The following COG7 variants were observed in gnomAD, a reference collection of about 807,000 sequenced individuals.
COG7 encodes the protein component of oligomeric golgi complex 7, also known as conserved oligomeric Golgi complex subunit 7.
Under a neutral mutation model 91.5 loss-of-function variants are expected in COG7, and 49 were observed. The ratio of observed to expected loss-of-function variants is 0.54; its 90% confidence interval spans 0.43 to 0.68. The LOEUF (loss-of-function observed/expected upper bound fraction) is 0.68. Among genes scored for constraint, COG7 ranks in the 30% least tolerant of loss-of-function variants. The pLI is 0.00. For synonymous variants in COG7, 365 were observed against 388.7 expected (o/e 0.94, Z 0.72); for missense variants, 895 against 961.3 (o/e 0.93, Z 0.91).
intron 6 of COG7, among the ~76,000 whole-genome samples, chr16:23,433,263 GC>G (rs1963961534): frequency 6.6e-6 from 1 of 152,002 alleles, no homozygotes; most frequent in Non-Finnish European, 1.5e-5. Context: ...GCTAACTTTT[GC>G]ATTTTTTGTA....
At chr16:23,448,289 T>C (rs1964213822) in intron 1 of COG7, among the ~76,000 whole-genome samples, 1 of 152,188 alleles carries the variant, frequency 6.6e-6, no homozygotes, top group South Asian at 2.1e-4. Flanking sequence ...TTCAGTTACA[T>C]TTCCCCTACA....
chr16:23,445,198 G>A (rs745518191), intron 2 of COG7, 34 bp from the exon 3 acceptor site: 10 of 1,469,594 alleles, frequency 6.8e-6, no homozygotes, highest in Non-Finnish European at 9.5e-6. Flanking sequence ...AAATGAAGGG[G>A]TAGGTCCTTT....
At position 23,434,658 on chromosome 16, in the gene COG7, G is replaced by A. The variant is rs1963986784; in HGVS notation, c.665C>T (p.Ala222Val). 1 of 1,613,588 alleles carries A rather than the reference G, an allele frequency of 6.2e-7. No individual in the cohort carries two copies. The change falls in exon 5 of 17, where the codon GCC becomes GTC. Residue 222 changes from alanine to valine, a missense_variant. Coordinates refer to ENST00000307149, the MANE Select transcript of COG7 (RefSeq NM_153603.4). The stretch of plus-strand genomic sequence containing the variant: ...TACCTTGTGACACTTGTAGTAGTAG[G>A]CCAGGAGCTGGGGCATCCGGTCAAT... ...TEIDRMPQLL[A>V]YYYKCHKVQL...
chr16:23,444,511 C>CTTTT (rs11437438), intron 3 of COG7, among the ~76,000 whole-genome samples: 4 of 132,664 alleles, frequency 3.0e-5, no homozygotes, highest in African/African-American at 8.4e-5. Context: ...TTTTCTTCTT[C>CTTTT]TTTTTTTTTT....
At chr16:23,420,305 A>T (rs777772416) in intron 7 of COG7, among the ~76,000 whole-genome samples, 3 of 152,242 alleles carry the variant, frequency 2.0e-5, no homozygotes, top group Non-Finnish European at 4.4e-5. Context: ...CAGAGACAGA[A>T]GGATGTTCAT....
At chr16:23,442,179 CA>C (rs746715047) in intron 4 of COG7, among the ~76,000 whole-genome samples, 30 of 151,970 alleles carry the variant, frequency 2.0e-4, no homozygotes, top group Admixed American at 4.6e-4. Flanking sequence ...ATTCAAAATA[CA>C]AAAATTACCT....
At chr16:23,451,997 T>G (rs1964273308) in intron 1 of COG7, among the ~76,000 whole-genome samples, 1 of 152,144 alleles carries the variant, frequency 6.6e-6, no homozygotes, top group African/African-American at 2.4e-5. Context: ...GCTCCTAGAT[T>G]ACAAAAAGTC....
At chr16:23,413,393 G>T in intron 10 of COG7, 55 bp downstream of exon 10, 1 of 909,638 alleles carries the variant, frequency 1.1e-6, no homozygotes, top group Non-Finnish European at 1.9e-6. Flanking sequence ...ACTATATCAT[G>T]CATGTTTATG....
chr16:23,417,543 G>C (rs748463235), intron 8 of COG7, among the ~76,000 whole-genome samples: 1 of 152,214 alleles, frequency 6.6e-6, no homozygotes, highest in Admixed American at 6.6e-5. Context: ...GACGTGGGCA[G>C]ATTGCTCCAG....
intron 7 of COG7, among the ~76,000 whole-genome samples, chr16:23,423,715 C>T (rs140958673): frequency 6.6e-6 from 1 of 152,210 alleles, no homozygotes; most frequent in Non-Finnish European, 1.5e-5. Flanking sequence ...ATTAAATAAA[C>T]CAAGTCAGTG....
At chr16:23,416,800 C>G (rs1253633329) in intron 9 of COG7, 167 bp downstream of exon 9, 2 of 761,144 alleles carry the variant, frequency 2.6e-6, no homozygotes, top group Non-Finnish European at 2.2e-6. Context: ...TTCAAATGTT[C>G]CACCATTACA....
Position 23,443,402 on chromosome 16 carries a change from G to A in COG7, c.436-757C>T, listed in dbSNP as rs990240366. On this transcript the variant is annotated intron_variant, in intron 3 of 16. Transcript: ENST00000307149. The stretch of plus-strand genomic sequence containing the variant: ...CTTTACAAAACATTTTAAGAAATTG[G>A]TCAGGCAGCCGGGAAGGGTGGCTCA... Among the ~76,000 whole-genome samples the A allele has an allele frequency of 2.0e-5, 3 of 152,028 alleles. No homozygotes were observed. The East Asian group carries it at 5.8e-4, about 29-fold the overall frequency.
Position 23,434,665 on chromosome 16 carries a change from G to T in COG7, c.658C>A (p.Leu220Ile). Reference protein sequence around the residue: ...VFTEIDRMPQLLAYYYKCHKV... With the variant: ...VFTEIDRMPQILAYYYKCHKV... ...TGACACTTGTAGTAGTAGGCCAGGAGCTGGGGCATCCGGTCAATTTCAGTA... is the reference window on the plus strand; with the variant it reads ...TGACACTTGTAGTAGTAGGCCAGGATCTGGGGCATCCGGTCAATTTCAGTA... The change falls in exon 5 of 17, where the codon CTC becomes ATC. Residue 220 changes from leucine to isoleucine, a missense_variant. Transcript: ENST00000307149. 1.2e-6 allele frequency: 2 copies of T among 1,613,850 alleles called. No homozygotes were observed. The highest frequency in any genetic ancestry group is 1.7e-6 in the Non-Finnish European group (2 of 1,179,718).
At chr16:23,440,085 CAAAAAA>C (rs11294739) in intron 4 of COG7, among the ~76,000 whole-genome samples, 2 of 79,302 alleles carry the variant, frequency 2.5e-5, no homozygotes, top group African/African-American at 4.1e-5. Flanking sequence ...CCCATCTATA[CAAAAAA>C]AAAAAAAAAA....
chr16:23,433,791 G>A (rs1963971229), intron 5 of COG7, 124 bp from the exon 6 acceptor site: 4 of 1,059,592 alleles, frequency 3.8e-6, no homozygotes, highest in African/African-American at 1.6e-5. Flanking sequence ...GCAGCCCAGT[G>A]AGGTCCATTC....
intron 4 of COG7, among the ~76,000 whole-genome samples, chr16:23,440,226 TA>T (rs1207828996): frequency 4.0e-5 from 6 of 151,694 alleles, no homozygotes; most frequent in Non-Finnish European, 8.8e-5. Flanking sequence ...CCATCTCCAC[TA>T]AAAATACAAA....
At position 23,452,918 on chromosome 16, in the gene COG7, T is replaced by A; in HGVS notation, c.77A>T (p.Lys26Met). Residue 26 changes from lysine (K) to methionine (M), a missense_variant, in exon 1 of 17, where the codon AAG becomes ATG. By Grantham distance (95) the Lys-to-Met change is moderately conservative. Transcript: ENST00000307149. ...ATCCGCCTTCCCGGACGCCGCCTCC[T>A]TGGAGCCGGCCCTGAAGGCCGCATT... Reference protein sequence around the residue: ...WINAAFRAGSKEAASGKADGH... With the variant: ...WINAAFRAGSMEAASGKADGH... The A allele has an allele frequency of 6.2e-7, 1 of 1,614,100 alleles. No individual in the cohort carries two copies.
chr16:23,431,852 T>TA (rs1034944400), intron 6 of COG7, among the ~76,000 whole-genome samples: 1 of 121,538 alleles, frequency 8.2e-6, no homozygotes, highest in African/African-American at 3.1e-5. Flanking sequence ...TTAAGAAAAA[T>TA]AAAATAAAGT....
rs180801693 is a variant in COG7, at chr16:23,418,638, C to A, written c.1137+62G>T. 19 of 1,567,746 alleles carry A rather than the reference C, an allele frequency of 1.2e-5. No individual in the cohort carries two copies. In the African/African-American group the frequency reaches 2.0e-4, roughly 17 times the overall value. ...TCCCAACCCCCAGCCCTCTCCCAGACGTGGCCAAGACCCTGGCTAACAGAA... is the reference window on the plus strand; with the variant it reads ...TCCCAACCCCCAGCCCTCTCCCAGAAGTGGCCAAGACCCTGGCTAACAGAA... On this transcript the variant is annotated intron_variant, in intron 8 of 16. Transcript: ENST00000307149.
Sources: gnomAD v4.1 joint callset for allele counts (sites outside exome capture counted in the v4.1 genomes callset) on GRCh38, gnomAD v4.1.1 for gene constraint, MANE v1.5 for transcripts, NCBI Gene and HGNC (gene_info 2026-07-23, HGNC 2026-07-21) for gene names.